Variants in AIG1 observed in about 807,000 individuals in gnomAD.
AIG1 encodes androgen-induced gene 1 protein.
Under a neutral mutation model 31.4 loss-of-function variants are expected in AIG1, and 23 were observed. The ratio of observed to expected loss-of-function variants is 0.73; its 90% confidence interval spans 0.53 to 1.04. AIG1 has a LOEUF of 1.04. Among genes scored for constraint, AIG1 ranks in the 50% least tolerant of loss-of-function variants. The pLI is 0.00. For synonymous variants in AIG1, 100 were observed against 110.5 expected (o/e 0.90, Z 0.60); for missense variants, 274 against 295.0 (o/e 0.93, Z 0.52).
intron 3 of AIG1, among the ~76,000 whole-genome samples, chr6:143,255,541 T>G (rs924737192): frequency 2.0e-5 from 3 of 152,214 alleles, no homozygotes; most frequent in Non-Finnish European, 4.4e-5. Context: ...TAAGCTTAAT[T>G]GCTTTTTTAA....
chr6:143,167,699 G>C (rs576846548), intron 3 of AIG1, among the ~76,000 whole-genome samples: 9 of 152,140 alleles, frequency 5.9e-5, no homozygotes, highest in Non-Finnish European at 1.3e-4. Context: ...CCTGGAGACA[G>C]ATACTACTTA....
At chr6:143,119,628 T>C (rs1782071976) in intron 1 of AIG1, among the ~76,000 whole-genome samples, 1 of 152,216 alleles carries the variant, frequency 6.6e-6, no homozygotes, top group African/African-American at 2.4e-5. Context: ...CACTTTGGAC[T>C]TAGTTTCTAA....
At chr6:143,146,482 C>G (rs528533036) in intron 2 of AIG1, among the ~76,000 whole-genome samples, 3 of 151,748 alleles carry the variant, frequency 2.0e-5, no homozygotes, top group Non-Finnish European at 4.4e-5. Flanking sequence ...CTCACTCCCC[C>G]CTCTTTCCCT....
In AIG1 at chr6:143,328,601, CT is replaced by C. The variant is rs1038831183; in HGVS notation, c.516-4674del. ...ACAGGAGTTAGCTCTGCCTCATTTA[CT>C]TTTTTTCATCGATGCATTATAGATG... On this transcript the variant is annotated intron_variant, in intron 4 of 5. Transcript: ENST00000357847. The surrounding 1 kb of genome is among the most constrained non-coding windows in gnomAD (Gnocchi z 4.0). 6.6e-6 allele frequency among the ~76,000 whole-genome samples: 1 copy of C among 152,126 alleles called. No individual in the cohort carries two copies. Among genetic ancestry groups the C allele is most frequent in the African/African-American group, 2.4e-5 (1 of 41,422 alleles).
At chr6:143,238,574 G>A (rs1793986833) in intron 3 of AIG1, among the ~76,000 whole-genome samples, 1 of 152,126 alleles carries the variant, frequency 6.6e-6, no homozygotes, top group Non-Finnish European at 1.5e-5. Flanking sequence ...GAGGTCATGG[G>A]ATCTCTACCA....
chr6:143,154,167 C>T (rs1785501840), intron 2 of AIG1, among the ~76,000 whole-genome samples: 1 of 151,876 alleles, frequency 6.6e-6, no homozygotes, highest in Non-Finnish European at 1.5e-5. Flanking sequence ...AACTTTTTGA[C>T]TCTGGGAAAC....
chr6:143,231,643 T>C (rs1221785596), intron 3 of AIG1, among the ~76,000 whole-genome samples: 2 of 152,200 alleles, frequency 1.3e-5, no homozygotes, highest in African/African-American at 4.8e-5. Context: ...TGTAATAGTA[T>C]ATCTTATTTA....
chr6:143,093,731 G>A (rs964492311), intron 1 of AIG1, among the ~76,000 whole-genome samples: 2 of 152,140 alleles, frequency 1.3e-5, no homozygotes, highest in African/African-American at 4.8e-5. Context: ...TCACTTAGAG[G>A]CCATTGTAGG....
At chr6:143,101,353 A>G (rs1025039237) in intron 1 of AIG1, among the ~76,000 whole-genome samples, 10 of 152,150 alleles carry the variant, frequency 6.6e-5, no homozygotes, top group African/African-American at 2.4e-4. Flanking sequence ...TGTAAATTAC[A>G]CTAATTAAGT....
At chr6:143,181,930 G>T (rs1216920682) in intron 3 of AIG1, among the ~76,000 whole-genome samples, 4 of 152,156 alleles carry the variant, frequency 2.6e-5, no homozygotes, top group Non-Finnish European at 5.9e-5. Context: ...AAGCAGAATG[G>T]CAGAGTCAAA....
chr6:143,304,353 G>T (rs1205332060), intron 4 of AIG1, among the ~76,000 whole-genome samples: 2 of 150,958 alleles, frequency 1.3e-5, no homozygotes, highest in South Asian at 2.1e-4. Flanking sequence ...TATGATATTG[G>T]CTGTGGGTTT....
intron 1 of AIG1, among the ~76,000 whole-genome samples, chr6:143,120,789 C>T (rs1326422639): frequency 2.6e-5 from 4 of 152,176 alleles, no homozygotes; most frequent in African/African-American, 9.7e-5. Flanking sequence ...GGAGCAGGCC[C>T]TCCATAAACT....
chr6:143,067,606 T>A (rs991130582), intron 1 of AIG1, among the ~76,000 whole-genome samples: 2 of 152,232 alleles, frequency 1.3e-5, no homozygotes, highest in Admixed American at 1.3e-4. Context: ...GTCTTATATT[T>A]ATTTACATAC....
chr6:143,241,970 G>A (rs1247287280), intron 3 of AIG1, among the ~76,000 whole-genome samples: 7 of 152,180 alleles, frequency 4.6e-5, no homozygotes, highest in Non-Finnish European at 8.8e-5. Flanking sequence ...GATATTAGGT[G>A]TATGTAAATA....
At chr6:143,289,490 C>T (rs1033006605) in intron 4 of AIG1, among the ~76,000 whole-genome samples, 10 of 152,062 alleles carry the variant, frequency 6.6e-5, no homozygotes, top group African/African-American at 2.2e-4. Flanking sequence ...TCTAGGGTCC[C>T]CTTGGCCCAG....
chr6:143,091,186 C>T (rs1002815938), intron 1 of AIG1, among the ~76,000 whole-genome samples: 3 of 152,164 alleles, frequency 2.0e-5, no homozygotes, highest in African/African-American at 4.8e-5. Flanking sequence ...GTAATTTCTA[C>T]CACATCTGCA....
chr6:143,204,799 C>T (rs1176511870), intron 3 of AIG1, among the ~76,000 whole-genome samples: 1 of 151,380 alleles, frequency 6.6e-6, no homozygotes, highest in African/African-American at 2.4e-5. Flanking sequence ...GAGATAAGGA[C>T]AAAGAAAAGG....
At chr6:143,125,146 A>T (rs1782588728) in intron 1 of AIG1, among the ~76,000 whole-genome samples, 1 of 152,222 alleles carries the variant, frequency 6.6e-6, no homozygotes, top group Non-Finnish European at 1.5e-5. Flanking sequence ...GTTACCATGA[A>T]TAAAAATTTA....
At chr6:143,178,573 G>T (rs1209989226) in intron 3 of AIG1, among the ~76,000 whole-genome samples, 1 of 152,174 alleles carries the variant, frequency 6.6e-6, no homozygotes, top group African/African-American at 2.4e-5. Context: ...GTCTCTCTGG[G>T]CTCTGAGCCG....
Sources: gnomAD v4.1 joint callset for allele counts (sites outside exome capture counted in the v4.1 genomes callset) on GRCh38, gnomAD v4.1.1 for gene constraint, Gnocchi (gnomAD v3.1) non-coding constraint, MANE v1.5 for transcripts, NCBI Gene and HGNC (gene_info 2026-07-23, HGNC 2026-07-21) for gene names.